The following ARK2N variants were observed in gnomAD, a reference collection of about 807,000 sequenced individuals.
The protein encoded by ARK2N is arkadia (RNF111) N-terminal like PKA signaling regulator 2N.
the ARK2N span, chr18:46,265,292 A>T: frequency 2.0e-5 from 3 of 152,634 alleles, no homozygotes; most frequent in Non-Finnish European, 4.4e-5. Flanking sequence ...ATTTTAATGA[A>T]TGTTTTTGCA....
chr18:46,215,362 A>T, the ARK2N span, among the ~76,000 whole-genome samples: 2 of 152,104 alleles, frequency 1.3e-5, no homozygotes, highest in African/African-American at 4.8e-5. Flanking sequence ...ATGTTTCTCT[A>T]TTGTAACTCC....
the ARK2N span, among the ~76,000 whole-genome samples, chr18:46,226,227 G>C: frequency 6.6e-6 from 1 of 152,206 alleles, no homozygotes; most frequent in East Asian, 1.9e-4. Flanking sequence ...TTTGCTATGT[G>C]CCTACTATGC....
the ARK2N span, among the ~76,000 whole-genome samples, chr18:46,203,947 GT>G: frequency 6.6e-6 from 1 of 152,054 alleles, no homozygotes; most frequent in African/African-American, 2.4e-5. Context: ...CCCCTAGTTT[GT>G]TTTTTAGTGG....
the ARK2N span, among the ~76,000 whole-genome samples, chr18:46,245,733 A>C: frequency 1.3e-5 from 2 of 152,274 alleles, no homozygotes; most frequent in East Asian, 3.9e-4. Context: ...TGCAAAGCTC[A>C]GGCCTAGTTC....
At chr18:46,229,114 T>C in the ARK2N span, among the ~76,000 whole-genome samples, 56 of 152,306 alleles carry the variant, frequency 3.7e-4, no homozygotes, top group Non-Finnish European at 1.0e-4. Context: ...AGTTTAACTT[T>C]AGGAGTAATT....
the ARK2N span, among the ~76,000 whole-genome samples, chr18:46,245,648 CTTAT>C: frequency 6.6e-6 from 1 of 150,994 alleles, no homozygotes; most frequent in Non-Finnish European, 1.5e-5. Context: ...TGAGTAGTGA[CTTAT>C]TTTTTTATTT....
At chr18:46,253,685 C>T in the ARK2N span, 3 of 1,599,300 alleles carry the variant, frequency 1.9e-6, no homozygotes, top group East Asian at 2.2e-5. Flanking sequence ...TTTTCCTCCC[C>T]TTCTCTCTCA....
At chr18:46,174,684 A>G in the ARK2N span, among the ~76,000 whole-genome samples, 1 of 151,788 alleles carries the variant, frequency 6.6e-6, no homozygotes, top group African/African-American at 2.4e-5. Flanking sequence ...GGGAGGCTGG[A>G]GGTGCCGCAG....
chr18:46,223,491 T>C, the ARK2N span, among the ~76,000 whole-genome samples: 2 of 152,220 alleles, frequency 1.3e-5, no homozygotes, highest in African/African-American at 4.8e-5. Context: ...ATTTAAACAT[T>C]CTTTTTTATC....
At chr18:46,200,979 C>CTTTTTTTTTTTTTTT in the ARK2N span, among the ~76,000 whole-genome samples, 1 of 112,862 alleles carries the variant, frequency 8.9e-6, no homozygotes, top group Non-Finnish European at 1.9e-5. Flanking sequence ...TTTCTTTTTT[C>CTTTTTTTTTTTTTTT]TTTTTTTTTT....
the ARK2N span, among the ~76,000 whole-genome samples, chr18:46,257,926 C>T: frequency 1.0e-5 from 1 of 96,412 alleles, no homozygotes; most frequent in East Asian, 2.6e-4. Context: ...GGACCAGTTG[C>T]TAATTTTTTT....
chr18:46,204,606 C>A, the ARK2N span, among the ~76,000 whole-genome samples: 2 of 152,056 alleles, frequency 1.3e-5, no homozygotes, highest in Admixed American at 6.6e-5. Flanking sequence ...TCATGTAGAC[C>A]GTATTTGAGG....
chr18:46,220,117 T>C, the ARK2N span, among the ~76,000 whole-genome samples: 1 of 152,210 alleles, frequency 6.6e-6, no homozygotes, highest in Non-Finnish European at 1.5e-5. Context: ...TGACCTGCTT[T>C]GTGGTTAAAT....
the ARK2N span, among the ~76,000 whole-genome samples, chr18:46,234,166 C>G: frequency 6.6e-6 from 1 of 152,120 alleles, no homozygotes; most frequent in South Asian, 2.1e-4. Context: ...GTTAAAAGGC[C>G]GAGAAGCGAT....
the ARK2N span, among the ~76,000 whole-genome samples, chr18:46,184,122 C>G: frequency 1.3e-5 from 2 of 152,162 alleles, no homozygotes; most frequent in Non-Finnish European, 2.9e-5. Context: ...TCCTGAGTAG[C>G]TAGGATTACA....
chr18:46,218,859 T>G, the ARK2N span: 1 of 152,190 alleles, frequency 6.6e-6, no homozygotes, highest in Admixed American at 6.5e-5. Context: ...CCTAACAGAA[T>G]CTCTTGGATG....
the ARK2N span, chr18:46,263,385 G>T: frequency 3.5e-6 from 1 of 285,262 alleles, no homozygotes; most frequent in African/African-American, 2.1e-5. Flanking sequence ...TATTTTACTT[G>T]GTGACTTTTA....
At chr18:46,221,500 C>G in the ARK2N span, among the ~76,000 whole-genome samples, 2 of 145,324 alleles carry the variant, frequency 1.4e-5, no homozygotes, top group East Asian at 4.1e-4. Context: ...GTGGATGTTG[C>G]AGTGAGCCGA....
chr18:46,186,872 T>C, the ARK2N span, among the ~76,000 whole-genome samples: 1 of 148,958 alleles, frequency 6.7e-6, no homozygotes, highest in East Asian at 2.0e-4. Context: ...TTTTTTTTTT[T>C]AGATGGAGTT....
Sources: gnomAD v4.1 joint callset for allele counts (sites outside exome capture counted in the v4.1 genomes callset) on GRCh38, gnomAD v4.1.1 for gene constraint, MANE v1.5 for transcripts, NCBI Gene and HGNC (gene_info 2026-07-23, HGNC 2026-07-21) for gene names.